The following ABCA2 variants were observed in gnomAD, a reference collection of about 807,000 sequenced individuals.
ABCA2 encodes ATP binding cassette subfamily A member 2.
ABCA2 carries 84 observed loss-of-function variants against 262.8 expected under a neutral mutation model. The observed-to-expected ratio is 0.32, with a 90% CI of 0.27 to 0.38. ABCA2 has a LOEUF of 0.38. Among genes scored for constraint, ABCA2 ranks in the 10% least tolerant of loss-of-function variants. The pLI, the probability that ABCA2 is intolerant of heterozygous loss-of-function variation, is 1.00. For missense variants in ABCA2, 2,662 were observed against 3,405.9 expected, an observed-to-expected ratio of 0.78 and a Z score of 5.44; for synonymous variants, 1,696 against 1,502.9, an observed-to-expected ratio of 1.13 and a Z score of -2.97.
rs183574889 is a variant in ABCA2 at position 137,026,046 on chromosome 9, C to T, written c.67-1810G>A. 3.9e-3 allele frequency among the ~76,000 whole-genome samples: 591 copies of T among 152,260 alleles called. 1 individual carries two copies. The highest frequency in any genetic ancestry group is 6.1e-3 in the Non-Finnish European group (414 of 67,974). ...TCCCTGTAGCTCCCGCCTACTGTGT[C>T]GGGGGGAGAACAGGTGAGACCCGAG... is the stretch of plus-strand genomic sequence containing the variant. On this transcript the variant is annotated intron_variant, in intron 1 of 48. Coordinates refer to ENST00000341511, the MANE Select transcript of ABCA2 (RefSeq NM_001606.5).
rs80138802 is a variant in ABCA2, at chr9:137,021,488, A to C, written c.801T>G (p.Ala267=). The C allele has an allele frequency of 0.023, 36,790 of 1,611,188 alleles. 533 individuals are homozygous for C. Among genetic ancestry groups the C allele is most frequent in the Non-Finnish European group, 0.026 (30,894 of 1,179,252 alleles). ...GCGCAGCAGCCTGCCCACTGCAGAC[A>C]GCATCCCGGTAGCCCTGCAGGGCTC... ...QKGALQGYRD[A]VCSGQAAARA... is the part of the protein sequence containing the mutation. Residue 267 remains alanine, a synonymous_variant, in exon 8 of 49, where the codon GCT becomes GCG. Coordinates refer to ENST00000341511, the MANE Select transcript of ABCA2 (RefSeq NM_001606.5). This position sits in a 1 kb window ranked among gnomAD's most constrained non-coding sequence, Gnocchi z 6.0.
Position 137,018,963 on chromosome 9 carries a change from G to A in ABCA2, c.1662C>T (p.Leu554=). The A allele has an allele frequency of 3.7e-6, 6 of 1,613,048 alleles. No homozygotes were observed. Among genetic ancestry groups the A allele is most frequent in the South Asian group, 1.1e-5 (1 of 91,090 alleles). The part of the protein sequence containing the change: ...DNFSLPSGMA[L]LQQLDTIDNA... ...TGTCAATGGTATCCAGCTGCTGCAGGAGGGCCATGCCACTGGGCAGCGAGA... is the reference window on the plus strand; with the variant it reads ...TGTCAATGGTATCCAGCTGCTGCAGAAGGGCCATGCCACTGGGCAGCGAGA... The change falls in exon 12 of 49, where the codon CTC becomes CTT. Residue 554 remains leucine (L), a synonymous_variant. Transcript: ENST00000341511.
intron 28 of ABCA2, 120 bp from the exon 29 acceptor site, chr9:137,013,683 C>A: frequency 3.7e-6 from 5 of 1,356,844 alleles, no homozygotes; most frequent in Non-Finnish European, 4.0e-6. Context: ...CCCGAGGAGA[C>A]AGGACTCCCG....
Position 137,007,943 on chromosome 9 carries a change from C to T in ABCA2, c.7297G>A (p.Asp2433Asn), listed in dbSNP as rs771105113. 21 of 1,605,616 alleles carry T rather than the reference C, an allele frequency of 1.3e-5. No individual in the cohort carries two copies. The Admixed American group carries it at 2.8e-4, about 22-fold the overall frequency. ...GCTCTGGGTGGTCAGCAGAGCGTGTCCGTGTTGAAGGACAGCTGGGCCTGT... is the reference window on the plus strand; with the variant it reads ...GCTCTGGGTGGTCAGCAGAGCGTGTTCGTGTTGAAGGACAGCTGGGCCTGT... The part of the protein sequence containing the change: ...EERAQLSFNT[D>N]TLC The change falls in exon 49 of 49, where the codon GAC becomes AAC. Residue 2433 changes from aspartate (D) to asparagine (N), a missense_variant. Physicochemically the swap from Asp to Asn is conservative, Grantham distance 23 (BLOSUM62 1). Around this residue, in one of 12 missense-constraint regions of ABCA2, gnomAD observed 212 missense variants for 214.4 expected, o/e 0.99. Coordinates refer to ENST00000341511, the MANE Select transcript of ABCA2 (RefSeq NM_001606.5).
upstream of ABCA2, chr9:137,028,785 A>G: frequency 7.7e-7 from 1 of 1,291,152 alleles, no homozygotes; most frequent in Non-Finnish European, 1.0e-6. The surrounding 1 kb of genome is among the most constrained non-coding windows in gnomAD (Gnocchi z 6.9). Context: ...AAGGGGGGAA[A>G]CTCGAGGCCC....
Position 137,008,863 on chromosome 9 carries a change from C to T in ABCA2, c.6936G>A (p.Arg2312=). Residue 2312 remains arginine, a synonymous_variant, in exon 47 of 49, where the codon CGG becomes CGA. Transcript: ENST00000341511. ...RNFPEAMLKE[R]HHTKVQYQLK... is the part of the protein sequence containing the mutation. ...GCTGGTACTGCACCTTTGTGTGGTG[C>T]CGCTCCTGCAGGGGGGGAGGTCAGA... is the stretch of plus-strand genomic sequence containing the variant. 6.2e-7 allele frequency: 1 copy of T among 1,604,188 alleles called. No individual in the cohort carries two copies. Among genetic ancestry groups the T allele is most frequent in the Non-Finnish European group, 8.5e-7 (1 of 1,179,518 alleles).
At position 137,024,243 on chromosome 9, in the gene ABCA2, A is replaced by G. The variant is rs746022241; in HGVS notation, c.67-7T>C. 6.2e-7 allele frequency: 1 copy of G among 1,605,956 alleles called. No individual in the cohort carries two copies. The highest frequency in any genetic ancestry group is 8.5e-7 in the Non-Finnish European group (1 of 1,176,256). On this transcript the variant is annotated splice_polypyrimidine_tract_variant and splice_region_variant and intron_variant, in intron 1 of 48. Transcript: ENST00000341511. ...TCTCGAAGGCCAGGACCCACTGGAA[A>G]GGGTGGGCCCAGTGAGGGATAGGAC...
Position 137,008,529 on chromosome 9 carries a change from G to T in ABCA2, c.7162C>A (p.Leu2388Ile). The change falls in exon 48 of 49, where the codon CTC (leucine) becomes ATC (isoleucine). Residue 2388 changes from leucine to isoleucine, a missense_variant. Transcript: ENST00000341511. Reference sequence around the variant, plus strand: ...GCAGACCGGGGCCGGAGCAGGCTGAGCAAGCAGCCGAGAGGGGACTGCAGT... The same window carrying T: ...GCAGACCGGGGCCGGAGCAGGCTGATCAAGCAGCCGAGAGGGGACTGCAGT... Reference protein sequence around the residue: ...SALQSPLGCLLSLLRPRSAPT... With the variant: ...SALQSPLGCLISLLRPRSAPT... The T allele has an allele frequency of 6.3e-7, 1 of 1,599,266 alleles. No individual in the cohort carries two copies.
Position 137,017,301 on chromosome 9 carries a change from G to C in ABCA2, c.2448C>G (p.Ala816=). 1 of 1,612,686 alleles carries C rather than the reference G, an allele frequency of 6.2e-7. No individual in the cohort carries two copies. Among genetic ancestry groups the C allele is most frequent in the Non-Finnish European group, 8.5e-7 (1 of 1,179,898 alleles). The change falls in exon 18 of 49, where the codon GCC becomes GCG. Residue 816 remains alanine, a synonymous_variant. Coordinates refer to ENST00000341511, the MANE Select transcript of ABCA2 (RefSeq NM_001606.5). ...VLYSKAKLAS[A]CGGIIYFLSY... ...TCAGGAAGTAGATGATGCCACCGCA[G>C]GCCGAGGCCAGCTTGGCCTTGGAGT...
chr9:137,019,166 C>A lies in ABCA2; in HGVS notation c.1554+12G>T. Reference sequence around the variant, plus strand: ...CACCCACAGCCGCCTCCCTCGCGGGCACCCTTGGCACCTGCTGCAGCCAGC... The same window carrying A: ...CACCCACAGCCGCCTCCCTCGCGGGAACCCTTGGCACCTGCTGCAGCCAGC... On this transcript the variant is annotated intron_variant, in intron 11 of 48. Transcript: ENST00000341511. The surrounding 1 kb of genome is among the most constrained non-coding windows in gnomAD (Gnocchi z 4.4). 1.9e-6 allele frequency: 3 copies of A among 1,608,596 alleles called. No homozygotes were observed. The highest frequency in any genetic ancestry group is 2.5e-6 in the Non-Finnish European group (3 of 1,177,108).
chr9:137,010,149 C>T (rs1039895523), intron 41 of ABCA2, 25 bp from the exon 42 acceptor site: 347 of 1,591,784 alleles, frequency 2.2e-4, no homozygotes, highest in Non-Finnish European at 2.7e-4. Context: ...GCTGTCAGCG[C>T]GTGAGGACGC....
chr9:137,020,934 G>A lies in ABCA2; in HGVS notation c.1025C>T (p.Ala342Val). The A allele has an allele frequency of 6.4e-7, 1 of 1,566,122 alleles. No homozygotes were observed. The highest frequency in any genetic ancestry group is 8.7e-7 in the Non-Finnish European group (1 of 1,155,810). ...ACCCTGGGGCAGTAGCAGGGCCAGG[G>A]CCGACAGGACATCCACATCCTGCAG... is the stretch of plus-strand genomic sequence containing the variant. ...KVLQDVDVLS[A>V]LALLLPQGAC... The change falls in exon 9 of 49, where the codon GCC becomes GTC. Residue 342 changes from alanine to valine, a missense_variant. Ala to Val is a moderately conservative substitution (Grantham distance 64, BLOSUM62 0). Around this residue, in one of 12 missense-constraint regions of ABCA2, gnomAD observed 403 missense variants for 375.9 expected, o/e 1.07. Transcript: ENST00000341511.
At chr9:137,020,041 G>A in intron 10 of ABCA2, 1 of 369,202 alleles carries the variant, frequency 2.7e-6, no homozygotes, top group Non-Finnish European at 5.0e-6. Flanking sequence ...GAGACACTCT[G>A]GAAGGTCTCT....
At chr9:137,017,740 C>T in intron 16 of ABCA2, 47 bp downstream of exon 16, 1 of 1,608,800 alleles carries the variant, frequency 6.2e-7, no homozygotes, top group African/African-American at 1.3e-5. Flanking sequence ...AGGACGCCGC[C>T]CCTCCCTGCC....
Position 137,009,650 on chromosome 9 carries a change from G to C in ABCA2, c.6631-6C>G. 6.2e-7 allele frequency: 1 copy of C among 1,612,700 alleles called. No individual in the cohort carries two copies. Among genetic ancestry groups the C allele is most frequent in the East Asian group, 2.2e-5 (1 of 44,878 alleles). On this transcript the variant is annotated splice_region_variant and splice_polypyrimidine_tract_variant and intron_variant, in intron 43 of 48. Coordinates refer to ENST00000341511, the MANE Select transcript of ABCA2 (RefSeq NM_001606.5). Reference sequence around the variant, plus strand: ...ATGCCTGTGGTGGGCTCGTCCTGGGGATGGGTGGCAGGCTCAGCTGCTGCC... The same window carrying C: ...ATGCCTGTGGTGGGCTCGTCCTGGGCATGGGTGGCAGGCTCAGCTGCTGCC...
At chr9:137,022,240 C>A in intron 6 of ABCA2, 111 bp downstream of exon 6, 1 of 1,421,274 alleles carries the variant, frequency 7.0e-7, no homozygotes, top group South Asian at 1.4e-5. Flanking sequence ...GGGCAAGGTT[C>A]AGACGGTCTG....
In ABCA2 at chr9:137,021,569, G is replaced by A. The variant is rs895840760; in HGVS notation, c.720C>T (p.Cys240=). ...LAPALLEQLT[C]TPGSGELGRI... Reference sequence around the variant, plus strand: ...GGCCCAGCTCCCCCGAGCCCGGCGTGCAGGTGAGCTGCTCCAGGAGGGCAG... The same window carrying A: ...GGCCCAGCTCCCCCGAGCCCGGCGTACAGGTGAGCTGCTCCAGGAGGGCAG... Residue 240 remains cysteine (C), a synonymous_variant, in exon 8 of 49, where the codon TGC becomes TGT. Transcript: ENST00000341511. The surrounding 1 kb of genome is among the most constrained non-coding windows in gnomAD (Gnocchi z 6.0). 2 of 1,575,036 alleles carry A rather than the reference G, an allele frequency of 1.3e-6. No individual in the cohort carries two copies. The highest frequency in any genetic ancestry group is 1.2e-5 in the South Asian group (1 of 86,592).
rs1219817059 is a variant in ABCA2, at chr9:137,009,760, A to G, written c.6630+9T>C. ...CCAGGCAGCCACCCCCCACCCACCC[A>G]GGACTTACCAGGAAGATGAAGGCTG... On this transcript the variant is annotated intron_variant, in intron 43 of 48. Transcript: ENST00000341511. 1.9e-6 allele frequency: 3 copies of G among 1,600,384 alleles called. No homozygotes were observed. The South Asian group carries it at 3.3e-5, about 18-fold the overall frequency.
chr9:137,028,768 C>T, upstream of ABCA2: 1 of 1,286,874 alleles, frequency 7.8e-7, no homozygotes, highest in Non-Finnish European at 1.0e-6. This position sits in a 1 kb window ranked among gnomAD's most constrained non-coding sequence, Gnocchi z 6.9. Flanking sequence ...TTCCGAGCAG[C>T]CAGCGGAAGG....
Sources: gnomAD v4.1 joint callset for allele counts (sites outside exome capture counted in the v4.1 genomes callset) on GRCh38, gnomAD v4.1.1 for gene constraint, gnomAD v4.1.1 regional missense constraint, Gnocchi (gnomAD v3.1) non-coding constraint, MANE v1.5 for transcripts, NCBI Gene and HGNC (gene_info 2026-07-23, HGNC 2026-07-21) for gene names.